The following MSANTD2 variants were observed in gnomAD, a reference collection of about 807,000 sequenced individuals.
MSANTD2 encodes Myb/SANT DNA binding domain containing 2.
MSANTD2 carries 19 observed loss-of-function variants against 52.6 expected under a neutral mutation model. The ratio of observed to expected loss-of-function variants is 0.36; its 90% CI spans 0.25 to 0.53. The LOEUF is 0.53. MSANTD2 is among the 20% of genes least tolerant of loss of function. The pLI is 0.91. For missense variants in MSANTD2, 558 were observed against 716.3 expected, an observed-to-expected ratio of 0.78 and a Z score of 2.52; for synonymous variants, 291 against 289.7, an observed-to-expected ratio of 1.00 and a Z score of -0.04.
chr11:124,800,200 C>G lies in MSANTD2; in HGVS notation c.181G>C (p.Ala61Pro), dbSNP rs1945652227. The change falls in exon 1 of 4, where the codon GCG becomes CCG. Residue 61 changes from alanine to proline, a missense_variant. Physicochemically the swap from Ala to Pro is conservative, Grantham distance 27 (BLOSUM62 -1). This residue lies in a region of MSANTD2 where 150 missense variants were observed against 142.7 expected (regional missense o/e 1.05). Transcript: ENST00000374979. The surrounding 1 kb of genome is among the most constrained non-coding windows in gnomAD (Gnocchi z 4.3). ...CCCAGCCCGAGACCCCCGGACGCCG[C>G]TGCCCCCGAGCCCGCCGCACTGCCC... ...GPGSAAGSGA[A>P]ASGGLGLGLG... 6.8e-7 allele frequency: 1 copy of G among 1,474,334 alleles called. No individual in the cohort carries two copies. Among genetic ancestry groups the G allele is most frequent in the Non-Finnish European group, 9.0e-7 (1 of 1,114,892 alleles). The allele number at this position is 1,474,334 out of a possible 1,614,324, so 91.3% of individuals were successfully genotyped here.
At chr11:124,793,415 A>C (rs1426193907) in intron 1 of MSANTD2, among the ~76,000 whole-genome samples, 1 of 152,194 alleles carries the variant, frequency 6.6e-6, no homozygotes, top group Non-Finnish European at 1.5e-5. Context: ...AAAAATTTTA[A>C]TGTCAGCTTA....
chr11:124,773,192 T>C, intron 2 of MSANTD2, 138 bp from the exon 3 acceptor site: 2 of 584,992 alleles, frequency 3.4e-6, no homozygotes, highest in Non-Finnish European at 6.1e-6. Flanking sequence ...CACTGTCCAA[T>C]GTCAGATTTA....
In MSANTD2 at chr11:124,800,163, C is replaced by T. The variant is rs1371204229; in HGVS notation, c.218G>A (p.Arg73His). ...GGAGACCGAGGACGAGGCGGCGCTG[C>T]GGCCCCCCAGCCCCAGCCCGAGACC... ...SGGLGLGLGG[R>H]SAASSSVSFS... Residue 73 changes from arginine (R) to histidine (H), a missense_variant, in exon 1 of 4, where the codon CGC becomes CAC. This residue lies in a region of MSANTD2 where 150 missense variants were observed against 142.7 expected (regional missense o/e 1.05). Transcript: ENST00000374979. This position sits in a 1 kb window ranked among gnomAD's most constrained non-coding sequence, Gnocchi z 4.3. The T allele has an allele frequency of 2.7e-6, 4 of 1,469,720 alleles. No homozygotes were observed. 91.0% of individuals were successfully genotyped at this position (1,469,720 alleles called of 1,614,324 possible).
At position 124,772,878 on chromosome 11, in the gene MSANTD2, TG is replaced by T. The variant is rs1944588957; in HGVS notation, c.827+115del. The T allele has an allele frequency of 5.8e-6, 4 of 692,092 alleles. No homozygotes were observed. The East Asian group carries it at 1.1e-4, about 19-fold the overall frequency. 42.9% of individuals were successfully genotyped at this position (692,092 alleles called of 1,614,324 possible). A position where few individuals can be genotyped will look rare whatever the true frequency, so the allele number is the denominator to read the frequency against. On this transcript the variant is annotated intron_variant, in intron 3 of 3. Transcript: ENST00000374979. ...ATTAAATCTAAAGAATGAATAGACATGCCTCCTTGGTGAATGGCCGGAACTT... is the reference window on the plus strand; with the variant it reads ...ATTAAATCTAAAGAATGAATAGACATCCTCCTTGGTGAATGGCCGGAACTT...
intron 2 of MSANTD2, among the ~76,000 whole-genome samples, chr11:124,773,895 A>G (rs988182182): frequency 1.3e-4 from 20 of 152,220 alleles, no homozygotes; most frequent in African/African-American, 4.3e-4. Flanking sequence ...GTGAGCACTC[A>G]TTACATAACC....
chr11:124,773,232 T>A, intron 2 of MSANTD2, 178 bp from the exon 3 acceptor site: 1 of 475,550 alleles, frequency 2.1e-6, no homozygotes, highest in East Asian at 3.6e-5. Flanking sequence ...ATGAGATGCA[T>A]ACATTTATAT....
intron 3 of MSANTD2, among the ~76,000 whole-genome samples, chr11:124,771,661 G>A (rs577482841): frequency 2.0e-5 from 3 of 152,234 alleles, no homozygotes; most frequent in South Asian, 2.1e-4. Context: ...CCACCTACTC[G>A]GGCTGGAATT....
At chr11:124,797,447 T>A (rs1019218933) in intron 1 of MSANTD2, among the ~76,000 whole-genome samples, 1 of 152,180 alleles carries the variant, frequency 6.6e-6, no homozygotes, top group Non-Finnish European at 1.5e-5. Flanking sequence ...CAGTGAGCTA[T>A]GATCACGTTA....
intron 1 of MSANTD2, chr11:124,791,875 T>C (rs1945343686): frequency 2.4e-6 from 1 of 417,230 alleles, no homozygotes; most frequent in Non-Finnish European, 4.5e-6. Flanking sequence ...AGCTGGAGTG[T>C]CTGCCTTCAA....
intron 1 of MSANTD2, among the ~76,000 whole-genome samples, chr11:124,796,075 C>T (rs1945482334): frequency 6.6e-6 from 1 of 152,158 alleles, no homozygotes; most frequent in Non-Finnish European, 1.5e-5. Context: ...AAATTAAAAT[C>T]TTGTGTGCTT....
intron 3 of MSANTD2, among the ~76,000 whole-genome samples, chr11:124,771,932 C>T (rs1944538899): frequency 6.6e-6 from 1 of 152,160 alleles, no homozygotes; most frequent in South Asian, 2.1e-4. Context: ...GAATGGCGTT[C>T]CTTACTTTCC....
At chr11:124,783,107 C>G (rs1267675442) in intron 1 of MSANTD2, among the ~76,000 whole-genome samples, 1 of 152,138 alleles carries the variant, frequency 6.6e-6, no homozygotes, top group African/African-American at 2.4e-5. Flanking sequence ...GGGGGAAAGA[C>G]TCGATTGCTT....
chr11:124,796,121 G>A (rs1456795215), intron 1 of MSANTD2, among the ~76,000 whole-genome samples: 1 of 152,136 alleles, frequency 6.6e-6, no homozygotes, highest in Admixed American at 6.5e-5. Flanking sequence ...TAAAAAGTAG[G>A]ATGTTAGTCT....
intron 3 of MSANTD2, 100 bp from the exon 4 acceptor site, chr11:124,768,128 A>C (rs1944370329): frequency 9.0e-7 from 1 of 1,115,964 alleles, no homozygotes; most frequent in African/African-American, 1.6e-5. Context: ...CTGCTGCCCA[A>C]TATGGTGGCC....
chr11:124,799,723 G>A (rs1438038037), intron 1 of MSANTD2, 148 bp downstream of exon 1: 8 of 596,696 alleles, frequency 1.3e-5, no homozygotes, highest in South Asian at 6.3e-5. Flanking sequence ...CCCTTCCCAG[G>A]GAGAGAAGAA....
At chr11:124,769,941 G>A (rs950334087) in intron 3 of MSANTD2, among the ~76,000 whole-genome samples, 1 of 152,234 alleles carries the variant, frequency 6.6e-6, no homozygotes, top group African/African-American at 2.4e-5. Flanking sequence ...TATTTCCTCA[G>A]AGTCTGTCAG....
intron 1 of MSANTD2, among the ~76,000 whole-genome samples, chr11:124,781,374 ATTAAC>A (rs145185416): frequency 0.01 from 1,534 of 152,262 alleles, 27 homozygotes; most frequent in African/African-American, 0.035. Flanking sequence ...TTATTGTCTG[ATTAAC>A]TTATCGATAT....
rs532355816 is a variant in MSANTD2, at chr11:124,785,271, C to A, written c.511-10297G>T. On this transcript the variant is annotated intron_variant, in intron 1 of 3. Transcript: ENST00000374979. The stretch of plus-strand genomic sequence containing the variant: ...ATAGCTACCATTTCCTGAGTGCCAA[C>A]TGAGTGCTGAGATTTGGGCTAAGCA... Among the ~76,000 whole-genome samples, 5 of 152,340 alleles carry A rather than the reference C, an allele frequency of 3.3e-5. No homozygotes were observed. The East Asian group carries it at 9.6e-4, about 29-fold the overall frequency.
rs1037104237 is a variant in MSANTD2 at position 124,774,309 on chromosome 11, C to T, written c.766+410G>A. 4.2e-5 allele frequency among the ~76,000 whole-genome samples: 6 copies of T among 142,926 alleles called. No individual in the cohort carries two copies. The highest frequency in any genetic ancestry group is 1.8e-4 in the African/African-American group (6 of 33,470). The allele number at this position is 142,926 out of a possible 152,430, so 93.8% of individuals were successfully genotyped here. Reference sequence around the variant, plus strand: ...TAAAAGAAGGAATTCCTAAGAACAACATCTACAGCAGTTGGGCCAAGATAT... The same window carrying T: ...TAAAAGAAGGAATTCCTAAGAACAATATCTACAGCAGTTGGGCCAAGATAT... On this transcript the variant is annotated intron_variant, in intron 2 of 3. Coordinates refer to ENST00000374979, the MANE Select transcript of MSANTD2 (RefSeq NM_001308027.2). This position sits in a 1 kb window ranked among gnomAD's most constrained non-coding sequence, Gnocchi z 5.1.
Sources: allele counts gnomAD v4.1 joint callset (sites outside exome capture counted in the v4.1 genomes callset), GRCh38; gene constraint gnomAD v4.1.1; regional missense constraint gnomAD v4.1.1; non-coding constraint Gnocchi (gnomAD v3.1); transcripts MANE v1.5; gene names NCBI Gene and HGNC (gene_info 2026-07-23, HGNC 2026-07-21).